Variants in ACER3 observed in about 807,000 individuals in gnomAD.
ACER3 encodes alkaline ceramidase 3.
Under a neutral mutation model 48.9 loss-of-function variants are expected in ACER3, and 16 were observed. The observed-to-expected ratio is 0.33, with a 90% CI of 0.22 to 0.50. ACER3 has a LOEUF of 0.50. Ranked by LOEUF, ACER3 falls within the 20% of genes least tolerant of loss-of-function variation. The probability of loss-of-function intolerance (pLI) is 0.98; values close to 1 mark genes in which losing one functional copy is unlikely to be tolerated. For missense variants in ACER3, 227 were observed against 326.0 expected (o/e 0.70, Z 2.34); for synonymous variants, 109 against 107.8 (o/e 1.01, Z -0.07).
At chr11:76,897,754 C>T (rs1393608198) in intron 1 of ACER3, among the ~76,000 whole-genome samples, 1 of 152,042 alleles carries the variant, frequency 6.6e-6, no homozygotes, top group Non-Finnish European at 1.5e-5. Flanking sequence ...TCTAGGAAAA[C>T]ATCTTCTAAA....
chr11:76,946,712 C>T (rs768046441), intron 2 of ACER3, among the ~76,000 whole-genome samples: 1 of 152,184 alleles, frequency 6.6e-6, no homozygotes, highest in Non-Finnish European at 1.5e-5. Context: ...CTTGGAGCAG[C>T]GTAGCATCAG....
intron 2 of ACER3, among the ~76,000 whole-genome samples, chr11:76,931,805 C>T (rs1232493491): frequency 6.6e-6 from 1 of 152,176 alleles, no homozygotes; most frequent in Admixed American, 6.5e-5. Flanking sequence ...CCACTCTCTT[C>T]TGGCTTGTAG....
intron 2 of ACER3, among the ~76,000 whole-genome samples, chr11:76,940,287 T>C (rs1947304464): frequency 6.6e-6 from 1 of 152,188 alleles, no homozygotes; most frequent in African/African-American, 2.4e-5. Context: ...CCCAGCCAAC[T>C]TTTTAAATAT....
At chr11:76,906,088 A>T (rs1946224500) in intron 1 of ACER3, among the ~76,000 whole-genome samples, 1 of 152,210 alleles carries the variant, frequency 6.6e-6, no homozygotes, top group Admixed American at 6.5e-5. Flanking sequence ...TACTGTGTGT[A>T]GGTAAAGCTA....
intron 7 of ACER3, among the ~76,000 whole-genome samples, chr11:77,005,959 T>TTA (rs1189084139): frequency 9.8e-6 from 1 of 102,426 alleles, no homozygotes; most frequent in South Asian, 3.7e-4. Context: ...TATATGTATA[T>TTA]TATATATATA....
chr11:76,924,177 G>A lies in ACER3; in HGVS notation c.104-2380G>A, dbSNP rs184303907. 1.3e-4 allele frequency among the ~76,000 whole-genome samples: 20 copies of A among 151,940 alleles called. No homozygotes were observed. The East Asian group carries it at 2.9e-3, about 22-fold the overall frequency. On this transcript the variant is annotated intron_variant, in intron 1 of 10. Coordinates refer to ENST00000532485, the MANE Select transcript of ACER3 (RefSeq NM_018367.7). ...GCCTCCATTTGTTTCTTGGTTTCTC[G>A]GGAATCATTGCCTGATGTCTATTGT... is the stretch of plus-strand genomic sequence containing the variant.
intron 2 of ACER3, among the ~76,000 whole-genome samples, chr11:76,934,660 C>T (rs899299588): frequency 1.7e-4 from 12 of 70,250 alleles, no homozygotes; most frequent in Non-Finnish European, 9.2e-5. Context: ...GGCTCGGCAT[C>T]AGAGGGAGAC....
In ACER3 at chr11:77,023,095, A is replaced by G. The variant is rs1949497409; in HGVS notation, c.*2768A>G. 1 of 398,454 alleles carries G rather than the reference A, an allele frequency of 2.5e-6. No individual in the cohort carries two copies. Among genetic ancestry groups the G allele is most frequent in the Non-Finnish European group, 4.4e-6 (1 of 226,054 alleles). The allele number at this position is 398,454 out of a possible 1,614,324, so 24.7% of individuals were successfully genotyped here. A position where few individuals can be genotyped will look rare whatever the true frequency, so the allele number is the denominator to read the frequency against. ...TACCTACTCCCCACCATGGTGTTTC[A>G]TGAAACATCCCCACCACCTGAAGTG... On this transcript the variant is annotated 3_prime_UTR_variant, in exon 11 of 11. Coordinates refer to ENST00000532485, the MANE Select transcript of ACER3 (RefSeq NM_018367.7).
At chr11:76,976,059 A>G (rs1462887227) in intron 3 of ACER3, among the ~76,000 whole-genome samples, 1 of 150,976 alleles carries the variant, frequency 6.6e-6, no homozygotes, top group South Asian at 2.1e-4. Context: ...ATTTTTTTTA[A>G]AAGTTTTTGT....
At chr11:76,986,721 A>G (rs1948691866) in intron 5 of ACER3, among the ~76,000 whole-genome samples, 1 of 152,244 alleles carries the variant, frequency 6.6e-6, no homozygotes, top group Admixed American at 6.5e-5. Context: ...ATGTCAAATT[A>G]TAAATACCCC....
At chr11:77,014,387 A>G (rs76883041) in intron 7 of ACER3, among the ~76,000 whole-genome samples, 2 of 152,358 alleles carry the variant, frequency 1.3e-5, no homozygotes, top group East Asian at 3.9e-4. Context: ...ACTATACTGT[A>G]AATTCTTTGA....
intron 7 of ACER3, 95 bp downstream of exon 7, chr11:76,998,916 A>C: frequency 1.1e-6 from 1 of 918,592 alleles, no homozygotes; most frequent in Non-Finnish European, 1.6e-6. Context: ...ATAAAAGCTC[A>C]CTTCAGTAGA....
At chr11:76,928,289 C>T (rs1946888494) in intron 2 of ACER3, among the ~76,000 whole-genome samples, 1 of 152,116 alleles carries the variant, frequency 6.6e-6, no homozygotes, top group African/African-American at 2.4e-5. Context: ...ATATCCTTTG[C>T]CCACTTTTTG....
chr11:76,910,069 A>G (rs1946334250), intron 1 of ACER3, among the ~76,000 whole-genome samples: 1 of 145,044 alleles, frequency 6.9e-6, no homozygotes, highest in African/African-American at 2.5e-5. Context: ...GAGTTGAACA[A>G]TGAGAACATA....
At chr11:76,981,475 G>A (rs944013406) in intron 4 of ACER3, among the ~76,000 whole-genome samples, 1 of 152,128 alleles carries the variant, frequency 6.6e-6, no homozygotes, top group South Asian at 2.1e-4. Context: ...TACCCTTATG[G>A]CAAGAAAGAG....
chr11:76,926,478 G>T, intron 1 of ACER3, 79 bp from the exon 2 acceptor site: 1 of 784,534 alleles, frequency 1.3e-6, no homozygotes, highest in Non-Finnish European at 2.0e-6. Flanking sequence ...TGTAATTGTT[G>T]TTAAAGCCTA....
At chr11:76,920,457 A>G (rs1372042384) in intron 1 of ACER3, among the ~76,000 whole-genome samples, 2 of 151,744 alleles carry the variant, frequency 1.3e-5, no homozygotes, top group Non-Finnish European at 2.9e-5. Context: ...CCTTGGGGAA[A>G]CCTCTTTTTT....
At chr11:76,938,263 C>T (rs532604438) in intron 2 of ACER3, among the ~76,000 whole-genome samples, 3 of 152,238 alleles carry the variant, frequency 2.0e-5, no homozygotes, top group Non-Finnish European at 4.4e-5. Flanking sequence ...GATTCGCTCA[C>T]GTTGGCCTGT....
intron 1 of ACER3, among the ~76,000 whole-genome samples, chr11:76,922,400 G>A (rs925664637): frequency 1.3e-5 from 2 of 152,050 alleles, no homozygotes; most frequent in East Asian, 3.8e-4. Context: ...TCATTAGTTT[G>A]AATCTTAGGG....
Sources: allele counts gnomAD v4.1 joint callset (sites outside exome capture counted in the v4.1 genomes callset), GRCh38; gene constraint gnomAD v4.1.1; transcripts MANE v1.5; gene names NCBI Gene and HGNC (gene_info 2026-07-23, HGNC 2026-07-21).